The following ZPBP variants were observed in gnomAD, a reference collection of about 807,000 sequenced individuals.
The protein encoded by ZPBP is zona pellucida-binding protein 1.
ZPBP carries 26 observed loss-of-function variants against 44.8 expected under a neutral mutation model. The ratio of observed to expected loss-of-function variants is 0.58; its 90% CI spans 0.43 to 0.81. The LOEUF (loss-of-function observed/expected upper bound fraction) is 0.81. Among genes scored for constraint, ZPBP ranks in the 30% least tolerant of loss-of-function variants. The pLI is 0.00. For synonymous variants in ZPBP, 174 were observed against 153.2 expected (o/e 1.14, Z -1.00); for missense variants, 409 against 434.0 (o/e 0.94, Z 0.51).
At chr7:49,925,354 G>T (rs1794196134) in intron 1 of ZPBP, among the ~76,000 whole-genome samples, 1 of 152,198 alleles carries the variant, frequency 6.6e-6, no homozygotes, top group Non-Finnish European at 1.5e-5. Flanking sequence ...TGGTGTCCCT[G>T]GGGAACAGTG....
intron 6 of ZPBP, among the ~76,000 whole-genome samples, chr7:50,005,187 C>A (rs1798250827): frequency 6.6e-6 from 1 of 151,910 alleles, no homozygotes; most frequent in Non-Finnish European, 1.5e-5. Context: ...ACAAAACTGT[C>A]CTTCAAAGAA....
chr7:50,002,450 G>C (rs542843574), intron 6 of ZPBP, among the ~76,000 whole-genome samples: 59 of 152,170 alleles, frequency 3.9e-4, no homozygotes, highest in Non-Finnish European at 8.2e-4. Context: ...TTGAACTCCT[G>C]GGCTCTAGCG....
At chr7:49,913,815 A>G (rs1300777486) in intron 1 of ZPBP, 1 of 152,234 alleles carries the variant, frequency 6.6e-6, no homozygotes, top group Non-Finnish European at 1.5e-5. Flanking sequence ...AACATTCAAG[A>G]AAAATGGATA....
intron 2 of ZPBP, among the ~76,000 whole-genome samples, chr7:49,899,673 G>T (rs553753159): frequency 6.6e-6 from 1 of 151,916 alleles, no homozygotes; most frequent in East Asian, 1.9e-4. Context: ...AACACATGAG[G>T]CAAAATCTGA....
At chr7:49,920,037 T>G (rs879013329) in intron 1 of ZPBP, 6 of 148,444 alleles carry the variant, frequency 4.0e-5, no homozygotes, top group South Asian at 4.4e-4. Flanking sequence ...CATAATGGTG[T>G]TTTTTTTTGG....
rs557240211 is a variant in ZPBP, at chr7:50,080,996, C to T, written c.334+778G>A. On this transcript the variant is annotated intron_variant, in intron 3 of 7. Coordinates refer to ENST00000046087, the MANE Select transcript of ZPBP (RefSeq NM_007009.3). ...GAGGAGATTAATTCTTTAAAATTACCTATTTTTGTATCAACATAAATACCA... is the reference window on the plus strand; with the variant it reads ...GAGGAGATTAATTCTTTAAAATTACTTATTTTTGTATCAACATAAATACCA... 9.9e-4 allele frequency among the ~76,000 whole-genome samples: 151 copies of T among 151,804 alleles called. 1 individual carries two copies. The highest frequency in any genetic ancestry group is 6.8e-3 in the Middle Eastern group (2 of 294).
At chr7:49,923,554 C>A (rs1327967886) in intron 1 of ZPBP, among the ~76,000 whole-genome samples, 1 of 152,064 alleles carries the variant, frequency 6.6e-6, no homozygotes, top group Admixed American at 6.6e-5. Context: ...ATTAACTATT[C>A]CCTCACCGTG....
chr7:49,858,376 T>TA (rs1419643926), intron 2 of ZPBP, among the ~76,000 whole-genome samples: 1 of 151,818 alleles, frequency 6.6e-6, no homozygotes, highest in African/African-American at 2.4e-5. Flanking sequence ...TATGCAGCCA[T>TA]AAAAAAGGAT....
rs117694037 is a variant in ZPBP at position 50,071,626 on chromosome 7, G to T, written c.334+10148C>A. Among the ~76,000 whole-genome samples, 682 of 152,202 alleles carry T rather than the reference G, an allele frequency of 4.5e-3. 2 individuals are homozygous for T. The highest frequency in any genetic ancestry group is 8.4e-3 in the Non-Finnish European group (569 of 68,006). On this transcript the variant is annotated intron_variant, in intron 3 of 7. Transcript: ENST00000046087. ...AAGGCACCCCTTCTTTCCACCTGAGGAGAGGAAAGGAAAGAGTGGGGAGGA... is the reference window on the plus strand; with the variant it reads ...AAGGCACCCCTTCTTTCCACCTGAGTAGAGGAAAGGAAAGAGTGGGGAGGA...
chr7:49,999,515 A>G (rs998824112), intron 6 of ZPBP, among the ~76,000 whole-genome samples: 1 of 152,116 alleles, frequency 6.6e-6, no homozygotes, highest in Non-Finnish European at 1.5e-5. Flanking sequence ...GAAGTCCCAC[A>G]CTTTACCATC....
At chr7:49,906,049 A>G (rs1793069797) in intron 1 of ZPBP, among the ~76,000 whole-genome samples, 2 of 152,226 alleles carry the variant, frequency 1.3e-5, no homozygotes, top group South Asian at 4.1e-4. Flanking sequence ...CCTGTTTAGC[A>G]TATAATCAAG....
At chr7:49,984,510 T>G (rs1797161887) in intron 6 of ZPBP, among the ~76,000 whole-genome samples, 1 of 152,202 alleles carries the variant, frequency 6.6e-6, no homozygotes, top group Admixed American at 6.5e-5. Context: ...GTTTTTGGGA[T>G]GAAACTGTTC....
At chr7:49,856,714 T>G (rs1029362011) in intron 2 of ZPBP, among the ~76,000 whole-genome samples, 10 of 152,126 alleles carry the variant, frequency 6.6e-5, no homozygotes, top group African/African-American at 2.4e-4. Flanking sequence ...TCCTTTTGGT[T>G]TTGTTTTGTT....
chr7:49,983,615 A>G, intron 6 of ZPBP, 96 bp from the exon 7 acceptor site: 1 of 756,854 alleles, frequency 1.3e-6, no homozygotes, highest in Non-Finnish European at 2.1e-6. Context: ...TAAAGAAAAC[A>G]AAGTCTCAAG....
intron 4 of ZPBP, among the ~76,000 whole-genome samples, chr7:50,033,683 T>TTTATTTA (rs1405308071): frequency 6.6e-6 from 1 of 151,204 alleles, no homozygotes; most frequent in Non-Finnish European, 1.5e-5. Flanking sequence ...CTACAGTTTA[T>TTTATTTA]TTATTTATTT....
intron 7 of ZPBP, among the ~76,000 whole-genome samples, chr7:49,954,331 A>G (rs186864275): frequency 6.6e-6 from 1 of 152,268 alleles, no homozygotes; most frequent in Non-Finnish European, 1.5e-5. Flanking sequence ...CAGAGCAAAA[A>G]CTATTAAATC....
At chr7:49,861,766 G>T (rs893292219) in intron 2 of ZPBP, among the ~76,000 whole-genome samples, 1 of 152,136 alleles carries the variant, frequency 6.6e-6, no homozygotes, top group Non-Finnish European at 1.5e-5. Context: ...TTTCTTCACT[G>T]AATAGACTTG....
intron 4 of ZPBP, among the ~76,000 whole-genome samples, chr7:50,043,001 G>A (rs918533185): frequency 6.6e-6 from 1 of 152,230 alleles, no homozygotes; most frequent in Middle Eastern, 3.4e-3. Flanking sequence ...TGACACCCAC[G>A]CTGGAAGATT....
intron 2 of ZPBP, among the ~76,000 whole-genome samples, chr7:49,856,655 CA>C (rs143248903): frequency 0.012 from 1,832 of 152,214 alleles, 17 homozygotes; most frequent in Non-Finnish European, 0.018. Context: ...TTACCATCAC[CA>C]CAGTCCAGGT....
Sources: allele counts gnomAD v4.1 joint callset (sites outside exome capture counted in the v4.1 genomes callset), GRCh38; gene constraint gnomAD v4.1.1; transcripts MANE v1.5; gene names NCBI Gene and HGNC (gene_info 2026-07-23, HGNC 2026-07-21).